The following MYOM1 variants were observed in gnomAD, a reference collection of about 807,000 sequenced individuals.
MYOM1 encodes myomesin-1.
Under a neutral mutation model 205.3 loss-of-function variants are expected in MYOM1, and 164 were observed. The observed-to-expected ratio is 0.80, with a 90% CI of 0.70 to 0.91. The LOEUF is 0.91. Ranked by LOEUF, MYOM1 falls within the 40% of genes least tolerant of loss-of-function variation. The probability of loss-of-function intolerance (pLI) is 0.00; values close to 1 mark genes in which losing one functional copy is unlikely to be tolerated. For missense variants in MYOM1, 2,011 were observed against 2,127.3 expected (o/e 0.95, Z 1.08); for synonymous variants, 772 against 789.4 (o/e 0.98, Z 0.37).
At chr18:3,084,906 T>C (rs1381858491) in intron 31 of MYOM1, 139 bp downstream of exon 31, 1 of 617,726 alleles carries the variant, frequency 1.6e-6, no homozygotes, top group African/African-American at 1.9e-5. Flanking sequence ...CAGTTCACTC[T>C]GTTGGAATTT....
Position 3,168,907 on chromosome 18 carries a change from T to C in MYOM1, c.1249A>G (p.Arg417Gly), listed in dbSNP as rs1490955515. The change falls in exon 9 of 38, where the codon AGA becomes GGA. Residue 417 changes from arginine to glycine, a missense_variant. Arg to Gly is a moderately radical substitution (Grantham distance 125). Coordinates refer to ENST00000356443, the MANE Select transcript of MYOM1 (RefSeq NM_003803.4). ...FDDKFDVSFG[R>G]EGETMSLGCR... ...CCTAGACTCATTGTCTCTCCCTCTCTCCCAAAAGACACATCAAATTTGTCA... is the reference window on the plus strand; with the variant it reads ...CCTAGACTCATTGTCTCTCCCTCTCCCCCAAAAGACACATCAAATTTGTCA... 1 of 1,613,622 alleles carries C rather than the reference T, an allele frequency of 6.2e-7. No individual in the cohort carries two copies. Among genetic ancestry groups the C allele is most frequent in the East Asian group, 2.2e-5 (1 of 44,870 alleles).
intron 3 of MYOM1, among the ~76,000 whole-genome samples, chr18:3,193,359 T>TACACACACACACACACACACAC (rs536189289): frequency 8.4e-6 from 1 of 119,292 alleles, no homozygotes; most frequent in Non-Finnish European, 1.8e-5. Flanking sequence ...TATATATATA[T>TACACACACACACACACACACAC]ATACACACAC....
At chr18:3,204,227 A>G (rs1403757863) in intron 2 of MYOM1, among the ~76,000 whole-genome samples, 3 of 151,996 alleles carry the variant, frequency 2.0e-5, no homozygotes, top group Non-Finnish European at 2.9e-5. Flanking sequence ...TCTGTTCAAC[A>G]TTGTAGTGGA....
intron 2 of MYOM1, among the ~76,000 whole-genome samples, chr18:3,207,072 C>T (rs1249871313): frequency 6.6e-6 from 1 of 151,418 alleles, no homozygotes. Context: ...TTATTTTTTC[C>T]ATGATTTAAA....
the MYOM1 span, among the ~76,000 whole-genome samples, chr18:3,245,804 T>C: frequency 3.3e-5 from 5 of 152,184 alleles, no homozygotes; most frequent in African/African-American, 1.2e-4. Flanking sequence ...GGGGGACACC[T>C]TCCACTAGTT....
chr18:3,112,206 T>C, intron 22 of MYOM1, 92 bp downstream of exon 22: 1 of 1,003,632 alleles, frequency 1.0e-6, no homozygotes, highest in Non-Finnish European at 1.5e-6. Context: ...CATTGATTGT[T>C]TTGAAAATTA....
At position 3,129,526 on chromosome 18, in the gene MYOM1, T is replaced by C; in HGVS notation, c.2507-7A>G. On this transcript the variant is annotated splice_region_variant and splice_polypyrimidine_tract_variant and intron_variant, in intron 17 of 37. Coordinates refer to ENST00000356443, the MANE Select transcript of MYOM1 (RefSeq NM_003803.4). ...TCTGGAGACACTCCTCCCCCTACAG[T>C]TGCCAGACAACAACAGAAACGCATT... The C allele has an allele frequency of 1.2e-6, 2 of 1,602,110 alleles. No homozygotes were observed. The highest frequency in any genetic ancestry group is 2.2e-5 in the South Asian group (2 of 89,570).
intron 29 of MYOM1, among the ~76,000 whole-genome samples, chr18:3,087,488 CTTTTT>C (rs5822735): frequency 2.4e-5 from 3 of 122,706 alleles, no homozygotes; most frequent in Non-Finnish European, 1.7e-5. Context: ...CTCCTACGTT[CTTTTT>C]TTTTTTTTTT....
At chr18:3,117,279 A>G (rs954266064) in intron 20 of MYOM1, among the ~76,000 whole-genome samples, 1 of 152,196 alleles carries the variant, frequency 6.6e-6, no homozygotes, top group Non-Finnish European at 1.5e-5. Context: ...TCAAAGGAAA[A>G]AGCATCACTC....
At chr18:3,148,436 G>GTAAA (rs1462419342) in intron 13 of MYOM1, among the ~76,000 whole-genome samples, 1 of 152,172 alleles carries the variant, frequency 6.6e-6, no homozygotes, top group Non-Finnish European at 1.5e-5. Flanking sequence ...TGTGGACAAT[G>GTAAA]TAAACTACAG....
intron 30 of MYOM1, 138 bp from the exon 31 acceptor site, chr18:3,085,270 T>C: frequency 2.3e-6 from 1 of 430,700 alleles, no homozygotes; most frequent in Non-Finnish European, 3.8e-6. Flanking sequence ...TTTTTTTTTT[T>C]TTGAGACAAG....
intron 19 of MYOM1, among the ~76,000 whole-genome samples, chr18:3,126,239 T>TGG (rs1448385679): frequency 7.9e-6 from 1 of 126,946 alleles, no homozygotes; most frequent in Admixed American, 9.4e-5. Flanking sequence ...CATTCCAGCC[T>TGG]GGGGGACAGA....
the MYOM1 span, chr18:3,245,827 T>C: frequency 6.6e-6 from 1 of 152,240 alleles, no homozygotes; most frequent in African/African-American, 2.4e-5. Context: ...CAGACAAGTT[T>C]ACGCTTCGTT....
At chr18:3,115,887 G>A (rs1309187285) in intron 21 of MYOM1, among the ~76,000 whole-genome samples, 2 of 152,104 alleles carry the variant, frequency 1.3e-5, no homozygotes, top group Admixed American at 6.6e-5. Flanking sequence ...AGGAGGTAAC[G>A]TGAGACAGGA....
chr18:3,169,093 A>G lies in MYOM1; in HGVS notation c.1175-112T>C, dbSNP rs11874011. ...ACAGCAAAAAAAAAATGAACAAATG[A>G]GCAAATGATTTAACTGGGTCAAAAT... On this transcript the variant is annotated intron_variant, in intron 8 of 37. Coordinates refer to ENST00000356443, the MANE Select transcript of MYOM1 (RefSeq NM_003803.4). 2.3e-4 allele frequency: 206 copies of G among 898,308 alleles called. No homozygotes were observed. The African/African-American group carries it at 3.3e-3, about 14-fold the overall frequency. The allele number at this position is 898,308 out of a possible 1,614,324, so 55.6% of individuals were successfully genotyped here. A position where few individuals can be genotyped will look rare whatever the true frequency, so the allele number is the denominator to read the frequency against.
chr18:3,187,038 G>A (rs1276988034), intron 5 of MYOM1, among the ~76,000 whole-genome samples: 1 of 152,188 alleles, frequency 6.6e-6, no homozygotes, highest in Admixed American at 6.5e-5. Flanking sequence ...GCTCACATGA[G>A]GGGTAGAGAT....
the MYOM1 span, among the ~76,000 whole-genome samples, chr18:3,230,410 T>G: frequency 2.0e-5 from 3 of 152,320 alleles, no homozygotes; most frequent in Middle Eastern, 3.4e-3. Flanking sequence ...GCTAATACAT[T>G]TGCAACCTCC....
chr18:3,089,242 C>G lies in MYOM1; in HGVS notation c.4070-1G>C, dbSNP rs374024312. On this transcript the variant is annotated splice_acceptor_variant, in intron 28 of 37. Coordinates refer to ENST00000356443, the MANE Select transcript of MYOM1 (RefSeq NM_003803.4). LOFTEE classifies it high-confidence loss of function. The stretch of plus-strand genomic sequence containing the variant: ...CTCAAATACTCAACAAAGTGAGGAC[C>G]TATAAAATTTTAATGACATTAGCAA... 10 of 1,609,230 alleles carry G rather than the reference C, an allele frequency of 6.2e-6. No homozygotes were observed. Among genetic ancestry groups the G allele is most frequent in the Middle Eastern group, 1.6e-4 (1 of 6,070 alleles).
In MYOM1 at chr18:3,107,383, C is replaced by T. The variant is rs192218930; in HGVS notation, c.3419-4753G>A. Among the ~76,000 whole-genome samples, 859 of 152,320 alleles carry T rather than the reference C, an allele frequency of 5.6e-3. 12 individuals carry two copies. Among genetic ancestry groups the T allele is most frequent in the African/African-American group, 0.019 (799 of 41,568 alleles). On this transcript the variant is annotated intron_variant, in intron 22 of 37. Transcript: ENST00000356443. ...CCACCCACCTTGGCCTCCCAAAGTG[C>T]TGGGATTACAGGCGTGAGCCACCGC...
Sources: gnomAD v4.1 joint callset for allele counts (sites outside exome capture counted in the v4.1 genomes callset) on GRCh38, gnomAD v4.1.1 for gene constraint, MANE v1.5 for transcripts, NCBI Gene and HGNC (gene_info 2026-07-23, HGNC 2026-07-21) for gene names.